COLEC12: variants seen among roughly 807,000 people sequenced by gnomAD.
COLEC12 encodes collectin-12.
In COLEC12, 33 loss-of-function variants were observed where a neutral mutation model predicts 71.1. The observed-to-expected ratio is 0.46, with a 90% CI of 0.35 to 0.62. COLEC12 has a LOEUF of 0.62. COLEC12 is among the 20% of genes least tolerant of loss of function. The pLI, the probability that COLEC12 is intolerant of heterozygous loss-of-function variation, is 0.00. For missense variants in COLEC12, 765 were observed against 916.1 expected, an observed-to-expected ratio of 0.84 and a Z score of 2.13; for synonymous variants, 350 against 353.0, an observed-to-expected ratio of 0.99 and a Z score of 0.10.
chr18:374,788 T>A (rs1483236230), intron 2 of COLEC12, among the ~76,000 whole-genome samples: 1 of 152,170 alleles, frequency 6.6e-6, no homozygotes, highest in African/African-American at 2.4e-5. Flanking sequence ...CCCCAATAAC[T>A]AACTCAAGAC....
At chr18:424,879 G>A (rs1245231897) in intron 2 of COLEC12, among the ~76,000 whole-genome samples, 1 of 152,208 alleles carries the variant, frequency 6.6e-6, no homozygotes, top group African/African-American at 2.4e-5. Flanking sequence ...CGACAACCAG[G>A]AGGTAGAGGA....
intron 2 of COLEC12, among the ~76,000 whole-genome samples, chr18:449,300 C>G (rs1204977526): frequency 6.6e-6 from 1 of 152,154 alleles, no homozygotes; most frequent in African/African-American, 2.4e-5. Flanking sequence ...AAAAATAACT[C>G]TAGTGTGAGA....
In COLEC12 at chr18:348,194, C is replaced by T. The variant is rs749040877; in HGVS notation, c.182-31G>A. 4.1e-6 allele frequency: 5 copies of T among 1,231,790 alleles called. No individual in the cohort carries two copies. In the South Asian group the frequency reaches 5.0e-5, roughly 12 times the overall value. 76.3% of individuals were successfully genotyped at this position (1,231,790 alleles called of 1,614,324 possible). Reference sequence around the variant, plus strand: ...ATTTGGAAAATGATGCATTAGTATACATATCTGCTCATATTTTATTTTTCA... The same window carrying T: ...ATTTGGAAAATGATGCATTAGTATATATATCTGCTCATATTTTATTTTTCA... On this transcript the variant is annotated intron_variant, in intron 3 of 9. Coordinates refer to ENST00000400256, the MANE Select transcript of COLEC12 (RefSeq NM_130386.3).
chr18:500,615 C>G lies in COLEC12; in HGVS notation c.-101G>C. On this transcript the variant is annotated 5_prime_UTR_variant, in exon 1 of 10. Coordinates refer to ENST00000400256, the MANE Select transcript of COLEC12 (RefSeq NM_130386.3). This position sits in a 1 kb window ranked among gnomAD's most constrained non-coding sequence, Gnocchi z 5.3. ...GCTGCTCACCGCACGCCCATGGTAG[C>G]CGCGCCGCGCGCCGGCCGTCTGCGC... 1 of 1,002,636 alleles carries G rather than the reference C, an allele frequency of 1.0e-6. No individual in the cohort carries two copies. Among genetic ancestry groups the G allele is most frequent in the Non-Finnish European group, 1.3e-6 (1 of 794,864 alleles). The allele number at this position is 1,002,636 out of a possible 1,614,324, so 62.1% of individuals were successfully genotyped here. A position where few individuals can be genotyped will look rare whatever the true frequency, so the allele number is the denominator to read the frequency against.
chr18:388,997 G>A (rs1027477149), intron 2 of COLEC12, among the ~76,000 whole-genome samples: 3 of 152,242 alleles, frequency 2.0e-5, no homozygotes, highest in South Asian at 2.1e-4. Flanking sequence ...TACATCAGGT[G>A]TGGGAAGGAA....
intron 6 of COLEC12, chr18:334,258 A>G (rs1372266426): frequency 6.6e-6 from 1 of 152,230 alleles, no homozygotes; most frequent in Non-Finnish European, 1.5e-5. Context: ...AGAGAGAAAC[A>G]CATGCCTGGT....
chr18:468,804 C>T (rs376821821), intron 2 of COLEC12, among the ~76,000 whole-genome samples: 97 of 152,328 alleles, frequency 6.4e-4, no homozygotes, highest in African/African-American at 2.2e-3. Flanking sequence ...TGCAAATTTA[C>T]TTAAGGTTAT....
intron 2 of COLEC12, among the ~76,000 whole-genome samples, chr18:464,421 C>T (rs547338099): frequency 2.0e-5 from 3 of 152,356 alleles, no homozygotes; most frequent in South Asian, 2.1e-4. Context: ...TAATGCTCCT[C>T]GTTGCTACTG....
rs542727500 is a variant in COLEC12, at chr18:498,363, C to CTTTTTTTTT, written c.7+2136_7+2144dup. Among the ~76,000 whole-genome samples, 47 of 100,726 alleles carry CTTTTTTTTT rather than the reference C, an allele frequency of 4.7e-4. 3 individuals are homozygous for CTTTTTTTTT. The highest frequency in any genetic ancestry group is 6.9e-4 in the African/African-American group (15 of 21,878). The allele number at this position is 100,726 out of a possible 152,430, so 66.1% of individuals were successfully genotyped here. A position where few individuals can be genotyped will look rare whatever the true frequency, so the allele number is the denominator to read the frequency against. On this transcript the variant is annotated intron_variant, in intron 1 of 9. Transcript: ENST00000400256. ...AAAACTCTCATGGAATATTTTTTTTCTTTTTTTTTTTTTTAGACGGAGTCT... is the reference window on the plus strand; with the variant it reads ...AAAACTCTCATGGAATATTTTTTTTCTTTTTTTTTTTTTTTTTTTTTTTAGACGGAGTCT...
Position 490,163 on chromosome 18 carries a change from C to CT in COLEC12, c.8-9407dup, listed in dbSNP as rs1370491271. Among the ~76,000 whole-genome samples, 6 of 152,358 alleles carry CT rather than the reference C, an allele frequency of 3.9e-5. No homozygotes were observed. The South Asian group carries it at 1.2e-3, about 32-fold the overall frequency. ...TGGCTCTGTGAAAAGTTCACCTCCC[C>CT]TGCTGAACTAGAGGCCACCTGGAGA... On this transcript the variant is annotated intron_variant, in intron 1 of 9. Transcript: ENST00000400256.
chr18:363,273 T>C (rs1033391114), intron 2 of COLEC12, among the ~76,000 whole-genome samples: 2 of 152,176 alleles, frequency 1.3e-5, no homozygotes, highest in African/African-American at 4.8e-5. Flanking sequence ...TTTTTTGCCA[T>C]GTATATCACT....
chr18:474,417 G>C (rs890060152), intron 2 of COLEC12, among the ~76,000 whole-genome samples: 1 of 152,220 alleles, frequency 6.6e-6, no homozygotes, highest in Admixed American at 6.5e-5. Flanking sequence ...TAATCACATG[G>C]AATGTGGTGT....
At chr18:458,021 T>C (rs1046819967) in intron 2 of COLEC12, among the ~76,000 whole-genome samples, 3 of 152,202 alleles carry the variant, frequency 2.0e-5, no homozygotes, top group African/African-American at 7.2e-5. Context: ...TGCATTTTCT[T>C]TGTGGCAAAG....
rs1461124212 is a variant in COLEC12, at chr18:480,714, C to T, written c.51G>A (p.Lys17=). ...EEEEVQSFGY[K]RFGIQEGTQC... The stretch of plus-strand genomic sequence containing the variant: ...AGCTTTGTTAGGACTCACCAAACCG[C>T]TTGTAACCGAAGGATTGCACCTCCT... The change falls in exon 2 of 10, where the codon AAG becomes AAA. Residue 17 remains lysine (K), a synonymous_variant. Transcript: ENST00000400256. This position sits in a 1 kb window ranked among gnomAD's most constrained non-coding sequence, Gnocchi z 4.1. 1.9e-6 allele frequency: 3 copies of T among 1,614,110 alleles called. No homozygotes were observed. The highest frequency in any genetic ancestry group is 2.2e-5 in the East Asian group (1 of 44,876).
intron 1 of COLEC12, among the ~76,000 whole-genome samples, chr18:499,536 G>A (rs970913543): frequency 1.3e-5 from 2 of 152,204 alleles, no homozygotes; most frequent in African/African-American, 2.4e-5. Flanking sequence ...GGCTGGAAGC[G>A]GGGTGACCGC....
chr18:423,694 C>G (rs1368148519), intron 2 of COLEC12: 1 of 152,180 alleles, frequency 6.6e-6, no homozygotes, highest in East Asian at 1.9e-4. Context: ...ACTGACCACA[C>G]ACGCCCAGGG....
At chr18:432,749 G>T (rs1230759990) in intron 2 of COLEC12, among the ~76,000 whole-genome samples, 1 of 151,916 alleles carries the variant, frequency 6.6e-6, no homozygotes, top group Non-Finnish European at 1.5e-5. Flanking sequence ...ATCTGATTTT[G>T]GACAACCTTC....
chr18:356,080 G>A (rs900261587), intron 3 of COLEC12, among the ~76,000 whole-genome samples: 25 of 152,256 alleles, frequency 1.6e-4, no homozygotes, highest in South Asian at 8.3e-4. Context: ...TAAAAGTCCC[G>A]ACTGTACTGA....
At chr18:412,933 A>G (rs1039902682) in intron 2 of COLEC12, among the ~76,000 whole-genome samples, 3 of 152,238 alleles carry the variant, frequency 2.0e-5, no homozygotes, top group African/African-American at 7.2e-5. Flanking sequence ...CAATGACAAA[A>G]AATAAAAGAG....
Sources: gnomAD v4.1 joint callset for allele counts (sites outside exome capture counted in the v4.1 genomes callset) on GRCh38, gnomAD v4.1.1 for gene constraint, Gnocchi (gnomAD v3.1) non-coding constraint, MANE v1.5 for transcripts, NCBI Gene and HGNC (gene_info 2026-07-23, HGNC 2026-07-21) for gene names.